ANKRD35: variants seen among roughly 807,000 people sequenced by gnomAD.
ANKRD35 encodes the protein ankyrin repeat domain 35.
A neutral mutation model predicts 109.9 loss-of-function variants in ANKRD35; 102 were observed. The ratio of observed to expected loss-of-function variants is 0.93; its 90% CI spans 0.79 to 1.09. The LOEUF is 1.09. ANKRD35 is among the 50% of genes least tolerant of loss of function. ANKRD35 has a pLI of 0.00. For synonymous variants in ANKRD35, 515 were observed against 512.4 expected (o/e 1.01, Z -0.07); for missense variants, 1,240 against 1,230.1 (o/e 1.01, Z -0.12).
chr1:145,867,475 G>T, intron 12 of ANKRD35, 83 bp from the exon 13 acceptor site: 1 of 1,195,472 alleles, frequency 8.4e-7, no homozygotes, highest in Non-Finnish European at 1.2e-6. Context: ...CTGTGGTACA[G>T]TGGAAGGCTA....
At chr1:145,877,354 T>A (rs959807373) in intron 4 of ANKRD35, among the ~76,000 whole-genome samples, 8 of 151,654 alleles carry the variant, frequency 5.3e-5, no homozygotes, top group Non-Finnish European at 1.0e-4. Context: ...TGCCTCAGCC[T>A]CCCGAGTAAC....
In ANKRD35 at chr1:145,872,264, G is replaced by T. The variant is rs782463419; in HGVS notation, c.2505C>A (p.His835Gln). ...CCACCAGCGAACCCCGAGTTTTCTCGTGTTGCCGTAGGCTGGCTGCCTCCC... is the reference window on the plus strand; with the variant it reads ...CCACCAGCGAACCCCGAGTTTTCTCTTGTTGCCGTAGGCTGGCTGCCTCCC... ...RAREAASLRQHEKTRGSLVAQ... is the reference protein window; with the variant it reads ...RAREAASLRQQEKTRGSLVAQ... The change falls in exon 10 of 14, where the codon CAC (histidine) becomes CAA (glutamine). Residue 835 changes from histidine to glutamine, a missense_variant. Transcript: ENST00000355594. 1.2e-6 allele frequency: 2 copies of T among 1,611,820 alleles called. No homozygotes were observed. Among genetic ancestry groups the T allele is most frequent in the Non-Finnish European group, 8.5e-7 (1 of 1,179,076 alleles).
In ANKRD35 at chr1:145,873,121, A is replaced by T. The variant is rs150977572; in HGVS notation, c.1648T>A (p.Trp550Arg). Residue 550 changes from tryptophan (W) to arginine (R), a missense_variant, in exon 10 of 14, where the codon TGG becomes AGG. By Grantham distance (101) the Trp-to-Arg change is moderately radical (BLOSUM62 -3). Transcript: ENST00000355594. ...RLERVLARLE[W>R]AKAGLQVKPE... ...TTCACCTGTAGTCCTGCCTTTGCCC[A>T]TTCCAGCCTTGCCAGCACCCGCTCC... is the stretch of plus-strand genomic sequence containing the variant. 1.5e-5 allele frequency: 25 copies of T among 1,613,750 alleles called. No homozygotes were observed. The highest frequency in any genetic ancestry group is 2.0e-5 in the Non-Finnish European group (24 of 1,179,960).
chr1:145,868,490 ATATGTGCCAATTT>A (rs2101699638), intron 10 of ANKRD35, 90 bp from the exon 11 acceptor site: 1 of 1,029,722 alleles, frequency 9.7e-7, no homozygotes, highest in South Asian at 1.4e-5. Flanking sequence ...TGAGTATTTA[ATATGTGCCAATTT>A]TATACAAATT....
At position 145,873,028 on chromosome 1, in the gene ANKRD35, C is replaced by T. The variant is rs868906838; in HGVS notation, c.1741G>A (p.Asp581Asn). 6.2e-7 allele frequency: 1 copy of T among 1,611,306 alleles called. No individual in the cohort carries two copies. The highest frequency in any genetic ancestry group is 8.5e-7 in the Non-Finnish European group (1 of 1,178,874). ...LKAAPGSIKQDEEKEKRVPGA... is the reference protein window; with the variant it reads ...LKAAPGSIKQNEEKEKRVPGA... ...GGAACCCTTTTCTCCTTCTCTTCAT[C>T]CTGTTTGATGCTCCCTGGGGCTGCC... The change falls in exon 10 of 14, where the codon GAT (aspartate) becomes AAT (asparagine). Residue 581 changes from aspartate to asparagine, a missense_variant. By Grantham distance (23) the Asp-to-Asn change is conservative. Transcript: ENST00000355594.
Position 145,884,709 on chromosome 1 carries a change from C to A in ANKRD35, c.39+1011G>T, listed in dbSNP as rs375122868. ...GGGAACTCTGAGTCTGCTCTATCCT[C>A]TTCTCTCATCATCACTTTCCCCCAC... On this transcript the variant is annotated intron_variant, in intron 1 of 13. Transcript: ENST00000355594. 1.1e-4 allele frequency among the ~76,000 whole-genome samples: 15 copies of A among 137,646 alleles called. No individual in the cohort carries two copies. In the East Asian group the frequency reaches 2.6e-3, roughly 24 times the overall value. 90.3% of individuals were successfully genotyped at this position (137,646 alleles called of 152,430 possible).
At position 145,867,982 on chromosome 1, in the gene ANKRD35, C is replaced by A. The variant is rs931617445; in HGVS notation, c.2943+9G>T. On this transcript the variant is annotated intron_variant, in intron 12 of 13. Transcript: ENST00000355594. The stretch of plus-strand genomic sequence containing the variant: ...GTCTATACCTCCCTCAAAACTCCAC[C>A]ATGCTCACCCGAGCAGCATTCAGTA... 3 of 1,613,852 alleles carry A rather than the reference C, an allele frequency of 1.9e-6. No homozygotes were observed.
intron 2 of ANKRD35, among the ~76,000 whole-genome samples, chr1:145,879,041 A>G (rs920157701): frequency 4.6e-5 from 7 of 152,186 alleles, no homozygotes; most frequent in Non-Finnish European, 7.3e-5. Context: ...AGTGGTGTCA[A>G]TCTGGGTTGT....
rs190170013 is a variant in ANKRD35 at position 145,869,328 on chromosome 1, T to A, written c.2788-928A>T. Among the ~76,000 whole-genome samples, 798 of 152,230 alleles carry A rather than the reference T, an allele frequency of 5.2e-3. 3 individuals are homozygous for A. Among genetic ancestry groups the A allele is most frequent in the Non-Finnish European group, 8.5e-3 (579 of 67,994 alleles). The stretch of plus-strand genomic sequence containing the variant: ...TCCCAAGAAGCTGGGATTACAGGCA[T>A]GCGCCACCACACTCAGATAATTTTT... On this transcript the variant is annotated intron_variant, in intron 10 of 13. Coordinates refer to ENST00000355594, the MANE Select transcript of ANKRD35 (RefSeq NM_144698.5).
At chr1:145,867,158 C>A in intron 13 of ANKRD35, 129 bp downstream of exon 13, 1 of 625,646 alleles carries the variant, frequency 1.6e-6, no homozygotes, top group Non-Finnish European at 2.9e-6. Flanking sequence ...ACCTCAAATG[C>A]TCTATGCCCC....
chr1:145,867,448 G>A (rs1653649397), intron 12 of ANKRD35, 56 bp from the exon 13 acceptor site: 3 of 1,495,720 alleles, frequency 2.0e-6, no homozygotes, highest in Non-Finnish European at 1.9e-6. Flanking sequence ...TGGAGAGAGA[G>A]AGGTGAGGGA....
chr1:145,878,269 A>G, intron 3 of ANKRD35, 122 bp downstream of exon 3: 2 of 1,128,172 alleles, frequency 1.8e-6, no homozygotes, highest in South Asian at 2.8e-5. Flanking sequence ...GCTGGCCAGA[A>G]CTTACTAAGG....
intron 6 of ANKRD35, 123 bp downstream of exon 6, chr1:145,876,446 A>G (rs1654077840): frequency 8.2e-7 from 1 of 1,223,594 alleles, no homozygotes; most frequent in African/African-American, 1.5e-5. Context: ...GAGAAGCAGG[A>G]GGAGAAGGAA....
Position 145,872,879 on chromosome 1 carries a change from C to G in ANKRD35, c.1890G>C (p.Glu630Asp). The part of the protein sequence containing the change: ...LRLSNSNLLE[E>D]LGELGRERQR... ...GCCGCTCCCGCCCCAACTCCCCTAACTCCTCCAGCAAGTTACTGTTGCTCA... is the reference window on the plus strand; with the variant it reads ...GCCGCTCCCGCCCCAACTCCCCTAAGTCCTCCAGCAAGTTACTGTTGCTCA... The change falls in exon 10 of 14, where the codon GAG (glutamate) becomes GAC (aspartate). Residue 630 changes from glutamate (E) to aspartate (D), a missense_variant. Physicochemically the swap from Glu to Asp is conservative, Grantham distance 45. Coordinates refer to ENST00000355594, the MANE Select transcript of ANKRD35 (RefSeq NM_144698.5). The G allele has an allele frequency of 6.2e-7, 1 of 1,614,156 alleles. No individual in the cohort carries two copies. Among genetic ancestry groups the G allele is most frequent in the Non-Finnish European group, 8.5e-7 (1 of 1,180,044 alleles).
At position 145,876,049 on chromosome 1, in the gene ANKRD35, A is replaced by G. The variant is rs988751969; in HGVS notation, c.560+91T>C. The stretch of plus-strand genomic sequence containing the variant: ...ACCAACCTGACTTCTTCCCCAACAC[A>G]CACAAACACACACACACACACGTTG... On this transcript the variant is annotated intron_variant, in intron 7 of 13. Transcript: ENST00000355594. 1.4e-5 allele frequency: 16 copies of G among 1,146,938 alleles called. No homozygotes were observed. The Admixed American group carries it at 2.6e-4, about 19-fold the overall frequency. The allele number at this position is 1,146,938 out of a possible 1,614,324, so 71.0% of individuals were successfully genotyped here.
Position 145,867,981 on chromosome 1 carries a change from C to G in ANKRD35, c.2943+10G>C. 6.2e-7 allele frequency: 1 copy of G among 1,613,922 alleles called. No individual in the cohort carries two copies. Among genetic ancestry groups the G allele is most frequent in the Non-Finnish European group, 8.5e-7 (1 of 1,179,792 alleles). On this transcript the variant is annotated intron_variant, in intron 12 of 13. Transcript: ENST00000355594. ...TGTCTATACCTCCCTCAAAACTCCA[C>G]CATGCTCACCCGAGCAGCATTCAGT...
chr1:145,876,522 C>T (rs782811211), intron 6 of ANKRD35, 47 bp downstream of exon 6: 1 of 1,608,670 alleles, frequency 6.2e-7, no homozygotes, highest in Non-Finnish European at 8.5e-7. Context: ...GAGACAGCAG[C>T]AGCCCTTCTG....
Position 145,867,263 on chromosome 1 carries a change from C to A in ANKRD35, c.*43+24G>T, listed in dbSNP as rs372033773. 1.1e-5 allele frequency: 17 copies of A among 1,502,300 alleles called. No homozygotes were observed. The African/African-American group carries it at 2.2e-4, about 19-fold the overall frequency. The allele number at this position is 1,502,300 out of a possible 1,614,324, so 93.1% of individuals were successfully genotyped here. On this transcript the variant is annotated intron_variant, in intron 13 of 13. Transcript: ENST00000355594. ...GCCCTTTCTCCCAAACTCCTTCCCT[C>A]ATCACCCTTAACCCACAACTCACAA...
chr1:145,875,106 G>T, intron 7 of ANKRD35, 100 bp from the exon 8 acceptor site: 2 of 1,238,030 alleles, frequency 1.6e-6, no homozygotes, highest in Non-Finnish European at 2.2e-6. Flanking sequence ...ATTCAGTGGG[G>T]TCAGGAGAAC....
Sources: gnomAD v4.1 joint callset for allele counts (sites outside exome capture counted in the v4.1 genomes callset) on GRCh38, gnomAD v4.1.1 for gene constraint, MANE v1.5 for transcripts, NCBI Gene and HGNC (gene_info 2026-07-23, HGNC 2026-07-21) for gene names.